The following TRRAP variants were observed in gnomAD, a reference collection of about 807,000 sequenced individuals.
TRRAP encodes transformation/transcription domain-associated protein.
In TRRAP, 41 loss-of-function variants were observed where a neutral mutation model predicts 438.8. That is an observed-to-expected ratio of 0.09 (90% CI 0.07 to 0.12). The LOEUF (loss-of-function observed/expected upper bound fraction) is 0.12, where lower values mean the gene tolerates loss of function less well. Ranked by LOEUF, TRRAP falls within the 10% of genes least tolerant of loss-of-function variation. TRRAP has a pLI of 1.00. For missense variants in TRRAP, 3,122 were observed against 5,055.1 expected (o/e 0.62, Z 11.60); for synonymous variants, 1,994 against 1,962.9 (o/e 1.02, Z -0.42).
At chr7:98,903,075 G>A (rs117304020) in intron 11 of TRRAP, among the ~76,000 whole-genome samples, 2 of 152,066 alleles carry the variant, frequency 1.3e-5, no homozygotes, top group African/African-American at 4.8e-5. Flanking sequence ...ATGCTGGAGT[G>A]CAGTGGCTTG....
chr7:98,890,855 A>G (rs1316980525), intron 4 of TRRAP, among the ~76,000 whole-genome samples: 9 of 144,690 alleles, frequency 6.2e-5, no homozygotes, highest in African/African-American at 2.1e-4. Context: ...AGTGGTGCCA[A>G]TCGTAGCTCA....
rs1261295204 is a variant in TRRAP at position 99,005,388 on chromosome 7, C to T, written c.10753+40C>T. The stretch of plus-strand genomic sequence containing the variant: ...CACAGCTCGCTGGGTACACAGGCAG[C>T]TTCACAGGTGGGGATGAGAGCCACA... On this transcript the variant is annotated intron_variant, in intron 69 of 72. Coordinates refer to ENST00000456197, the MANE Select transcript of TRRAP (RefSeq NM_001375524.1). The surrounding 1 kb of genome is among the most constrained non-coding windows in gnomAD (Gnocchi z 5.1). 1 of 1,600,844 alleles carries T rather than the reference C, an allele frequency of 6.2e-7. No individual in the cohort carries two copies. Among genetic ancestry groups the T allele is most frequent in the African/African-American group, 1.3e-5 (1 of 74,632 alleles).
intron 33 of TRRAP, among the ~76,000 whole-genome samples, 168 bp downstream of exon 33, chr7:98,946,118 A>C (rs895492527): frequency 6.6e-6 from 1 of 152,110 alleles, no homozygotes; most frequent in Non-Finnish European, 1.5e-5. Context: ...ATTGCTGTGA[A>C]CTGTCTGATG....
chr7:98,966,510 C>T (rs1033062715), intron 49 of TRRAP, among the ~76,000 whole-genome samples: 2 of 152,054 alleles, frequency 1.3e-5, no homozygotes, highest in Admixed American at 1.3e-4. Flanking sequence ...CATGGTGAAA[C>T]CCCGTCTCTA....
At chr7:98,995,702 TAC>T (rs1389690588) in intron 67 of TRRAP, among the ~76,000 whole-genome samples, 1 of 130,258 alleles carries the variant, frequency 7.7e-6, no homozygotes, top group Non-Finnish European at 1.6e-5. Flanking sequence ...CATCCCATCA[TAC>T]ACACACATGT....
intron 20 of TRRAP, 24 bp downstream of exon 20, chr7:98,917,703 G>A (rs781932813): frequency 6.2e-7 from 1 of 1,606,946 alleles, no homozygotes; most frequent in South Asian, 1.1e-5. Context: ...GAGGTTGTTA[G>A]CTGGCTGCTT....
chr7:98,950,495 A>G (rs573451413), intron 38 of TRRAP, among the ~76,000 whole-genome samples: 20 of 152,196 alleles, frequency 1.3e-4, no homozygotes, highest in Non-Finnish European at 1.9e-4. Flanking sequence ...GCATCCCAGC[A>G]TGGGTGACAC....
chr7:98,967,305 T>G, intron 50 of TRRAP, 143 bp downstream of exon 50: 1 of 1,319,206 alleles, frequency 7.6e-7, no homozygotes, highest in Non-Finnish European at 1.0e-6. Context: ...TGTGACCTAC[T>G]TTGGTGTCAT....
chr7:98,982,868 C>T (rs1212840574), intron 59 of TRRAP, among the ~76,000 whole-genome samples: 2 of 152,278 alleles, frequency 1.3e-5, no homozygotes, highest in East Asian at 3.9e-4. Context: ...GGCACGCCTG[C>T]AGCAGGGATG....
intron 53 of TRRAP, among the ~76,000 whole-genome samples, chr7:98,974,829 A>G (rs1792579092): frequency 6.6e-6 from 1 of 152,244 alleles, no homozygotes; most frequent in Non-Finnish European, 1.5e-5. Flanking sequence ...TCCTTAAACC[A>G]TGCAGACAGT....
chr7:98,998,749 T>C, intron 67 of TRRAP: 1 of 201,928 alleles, frequency 5.0e-6, no homozygotes, highest in Admixed American at 5.3e-5. Flanking sequence ...CTTCGAGTTC[T>C]CTTCTAGCCA....
intron 49 of TRRAP, among the ~76,000 whole-genome samples, chr7:98,966,332 T>A (rs1792157692): frequency 6.6e-6 from 1 of 152,090 alleles, no homozygotes; most frequent in African/African-American, 2.4e-5. Flanking sequence ...AGATGGATTT[T>A]TTTCAGTGCA....
rs1791536912 is a variant in TRRAP at position 98,955,146 on chromosome 7, G to A, written c.5779G>A (p.Val1927Ile). Reference sequence around the variant, plus strand: ...TCACGCAATGGAAGCTCGAGCGATCGTCAGACAGGCGATGGCCATTCTGAC... The same window carrying A: ...TCACGCAATGGAAGCTCGAGCGATCATCAGACAGGCGATGGCCATTCTGAC... ...KAHAMEARAI[V>I]RQAMAILTPA... Residue 1927 changes from valine (V) to isoleucine (I), a missense_variant, in exon 41 of 73, where the codon GTC becomes ATC. Transcript: ENST00000456197. 5 of 1,614,190 alleles carry A rather than the reference G, an allele frequency of 3.1e-6. No homozygotes were observed. The highest frequency in any genetic ancestry group is 1.6e-4 in the Middle Eastern group (1 of 6,062).
Position 98,976,047 on chromosome 7 carries a change from C to T in TRRAP, c.7840-102C>T. The stretch of plus-strand genomic sequence containing the variant: ...CTTTGAAACTTTGAAAGTGGAGGAG[C>T]ATCGGTAATGTATGAGACAGATCAT... On this transcript the variant is annotated intron_variant, in intron 53 of 72. Coordinates refer to ENST00000456197, the MANE Select transcript of TRRAP (RefSeq NM_001375524.1). The surrounding 1 kb of genome is among the most constrained non-coding windows in gnomAD (Gnocchi z 4.6). 7.2e-7 allele frequency: 1 copy of T among 1,384,258 alleles called. No individual in the cohort carries two copies. 85.7% of individuals were successfully genotyped at this position (1,384,258 alleles called of 1,614,324 possible). A position where few individuals can be genotyped will look rare whatever the true frequency, so the allele number is the denominator to read the frequency against.
intron 31 of TRRAP, among the ~76,000 whole-genome samples, chr7:98,945,112 A>C (rs550694937): frequency 1.3e-5 from 2 of 152,266 alleles, no homozygotes; most frequent in South Asian, 4.2e-4. Context: ...GCCTGCCCTG[A>C]AGCTTTGGAT....
chr7:99,010,675 G>C (rs941863631), intron 70 of TRRAP, among the ~76,000 whole-genome samples: 7 of 152,176 alleles, frequency 4.6e-5, no homozygotes, highest in Non-Finnish European at 1.5e-5. Flanking sequence ...ATAAAGTCTT[G>C]GTTGGAAGTG....
chr7:98,959,522 C>T (rs201188963), intron 45 of TRRAP, 32 bp downstream of exon 45: 182 of 1,600,560 alleles, frequency 1.1e-4, no homozygotes, highest in South Asian at 1.1e-3. Flanking sequence ...GCCAGGGCAG[C>T]GCCACCGAGG....
intron 6 of TRRAP, 58 bp downstream of exon 6, chr7:98,893,939 G>A: frequency 6.4e-7 from 1 of 1,558,170 alleles, no homozygotes; most frequent in Non-Finnish European, 8.7e-7. Context: ...TTCCTTCTGT[G>A]AAATTTTTTG....
chr7:98,896,842 GC>G (rs1554405828), intron 7 of TRRAP, among the ~76,000 whole-genome samples: 1 of 152,196 alleles, frequency 6.6e-6, no homozygotes, highest in African/African-American at 2.4e-5. Context: ...TCCTGTCAAA[GC>G]CCGAGCGCTG....
Sources: gnomAD v4.1 joint callset for allele counts (sites outside exome capture counted in the v4.1 genomes callset) on GRCh38, gnomAD v4.1.1 for gene constraint, Gnocchi (gnomAD v3.1) non-coding constraint, MANE v1.5 for transcripts, NCBI Gene and HGNC (gene_info 2026-07-23, HGNC 2026-07-21) for gene names.